Variants in TBX20 observed in about 807,000 individuals in gnomAD.
TBX20 encodes T-box transcription factor TBX20.
TBX20 carries 8 observed loss-of-function variants against 42.9 expected under a neutral mutation model. That is an observed-to-expected ratio of 0.19 (90% CI 0.11 to 0.34). TBX20 has a LOEUF of 0.34. TBX20 is among the 10% of genes least tolerant of loss of function. The pLI, the probability that TBX20 is intolerant of heterozygous loss-of-function variation, is 1.00. For synonymous variants in TBX20, 198 were observed against 222.8 expected (o/e 0.89, Z 0.99); for missense variants, 411 against 566.0 (o/e 0.73, Z 2.78).
chr7:35,250,247 CA>C, intron 1 of TBX20, 44 bp from the exon 2 acceptor site: 1 of 1,601,954 alleles, frequency 6.2e-7, no homozygotes, highest in Non-Finnish European at 8.5e-7. Context: ...CACTGTTCAA[CA>C]AGGAAAGATC....
chr7:35,241,276 C>G (rs1354442465), intron 4 of TBX20, among the ~76,000 whole-genome samples: 6 of 152,176 alleles, frequency 3.9e-5, no homozygotes. Flanking sequence ...AGTGTCCTTT[C>G]TAAAATGGTA....
intron 6 of TBX20, among the ~76,000 whole-genome samples, chr7:35,209,366 A>G (rs1208306577): frequency 6.6e-6 from 1 of 152,186 alleles, no homozygotes; most frequent in Admixed American, 6.5e-5. Context: ...CTATCAGAGT[A>G]TCTGTTTTCT....
intron 6 of TBX20, among the ~76,000 whole-genome samples, chr7:35,222,113 G>A (rs1789693666): frequency 6.6e-6 from 1 of 152,022 alleles, no homozygotes; most frequent in African/African-American, 2.4e-5. Flanking sequence ...AAAAGATTTT[G>A]GTTTCAGATG....
chr7:35,246,996 T>C (rs559123358), intron 3 of TBX20, among the ~76,000 whole-genome samples: 2 of 152,116 alleles, frequency 1.3e-5, no homozygotes, highest in Admixed American at 6.5e-5. Context: ...GTTAAGATAG[T>C]GTATTGGTAC....
intron 6 of TBX20, among the ~76,000 whole-genome samples, chr7:35,226,034 G>A (rs1459445138): frequency 6.6e-6 from 1 of 151,996 alleles, no homozygotes; most frequent in Non-Finnish European, 1.5e-5. Flanking sequence ...GAATACATTA[G>A]TAAATACATA....
intron 6 of TBX20, among the ~76,000 whole-genome samples, chr7:35,215,282 T>C (rs1789564711): frequency 6.6e-6 from 1 of 152,194 alleles, no homozygotes; most frequent in South Asian, 2.1e-4. Flanking sequence ...GATGGCATAA[T>C]TGAATTATTG....
At chr7:35,245,348 G>GTGTGTA (rs1419209151) in intron 3 of TBX20, among the ~76,000 whole-genome samples, 20 of 151,654 alleles carry the variant, frequency 1.3e-4, no homozygotes, top group Non-Finnish European at 1.9e-4. Flanking sequence ...GTGTGTGTGT[G>GTGTGTA]TTTTCATCTA....
At chr7:35,227,395 A>T (rs375896842) in intron 6 of TBX20, among the ~76,000 whole-genome samples, 1 of 151,924 alleles carries the variant, frequency 6.6e-6, no homozygotes, top group African/African-American at 2.4e-5. Flanking sequence ...CAAATTCCAG[A>T]CCTTAAGCTC....
intron 6 of TBX20, among the ~76,000 whole-genome samples, chr7:35,216,889 A>C (rs1225638329): frequency 6.6e-6 from 1 of 152,152 alleles, no homozygotes; most frequent in African/African-American, 2.4e-5. Context: ...GTTCATTTTT[A>C]CATCACATCT....
chr7:35,213,276 T>C (rs1278565520), intron 6 of TBX20, among the ~76,000 whole-genome samples: 1 of 152,254 alleles, frequency 6.6e-6, no homozygotes, highest in Non-Finnish European at 1.5e-5. Flanking sequence ...CCAGGGGAAC[T>C]TCTAAAAATT....
At chr7:35,207,365 C>G (rs1789417438) in intron 6 of TBX20, among the ~76,000 whole-genome samples, 1 of 152,028 alleles carries the variant, frequency 6.6e-6, no homozygotes. Context: ...TTTGAGATTT[C>G]TTTTTATATT....
At chr7:35,225,426 T>C (rs1789753157) in intron 6 of TBX20, among the ~76,000 whole-genome samples, 1 of 152,208 alleles carries the variant, frequency 6.6e-6, no homozygotes, top group Non-Finnish European at 1.5e-5. Flanking sequence ...CAAATTCTAG[T>C]GGTTTTTGGT....
Position 35,253,768 on chromosome 7 carries a change from G to T in TBX20, c.-148C>A. On this transcript the variant is annotated 5_prime_UTR_variant, in exon 1 of 8. Transcript: ENST00000408931. ...GGACTCCAGAAGTGTCAGCTCCAAC[G>T]ACTCCAGAGCTGCACACTGGCCTCT... is the stretch of plus-strand genomic sequence containing the variant. 1.0e-6 allele frequency: 1 copy of T among 982,948 alleles called. No homozygotes were observed. Among genetic ancestry groups the T allele is most frequent in the East Asian group, 2.5e-5 (1 of 39,332 alleles). The allele number at this position is 982,948 out of a possible 1,614,324, so 60.9% of individuals were successfully genotyped here.
chr7:35,247,523 A>G (rs2128715758), intron 3 of TBX20, among the ~76,000 whole-genome samples: 1 of 152,200 alleles, frequency 6.6e-6, no homozygotes, highest in African/African-American at 2.4e-5. Context: ...TAGTGCACTT[A>G]GCATACGATA....
intron 3 of TBX20, among the ~76,000 whole-genome samples, chr7:35,246,592 A>G (rs1229212655): frequency 6.6e-6 from 1 of 152,194 alleles, no homozygotes; most frequent in African/African-American, 2.4e-5. Context: ...ATTTTAGATC[A>G]TAAGTAATAT....
At position 35,233,413 on chromosome 7, in the gene TBX20, T is replaced by G. The variant is rs146737364; in HGVS notation, c.814-1833A>C. 6.3e-3 allele frequency among the ~76,000 whole-genome samples: 962 copies of G among 152,334 alleles called. 12 individuals are homozygous for G. The highest frequency in any genetic ancestry group is 0.02 in the African/African-American group (852 of 41,576). ...AAGAAAATAGCTATGCTATGAGCAT[T>G]GGTAAACAGGGAAGCAAATAAACTA... On this transcript the variant is annotated intron_variant, in intron 5 of 7. Transcript: ENST00000408931.
Position 35,240,899 on chromosome 7 carries a change from T to C in TBX20, c.793A>G (p.Thr265Ala). The change falls in exon 5 of 8, where the codon ACT becomes GCT. Residue 265 changes from threonine to alanine, a missense_variant. Coordinates refer to ENST00000408931, the MANE Select transcript of TBX20 (RefSeq NM_001077653.2). Reference protein sequence around the residue: ...IFPETVFTAVTAYQNQLITKL... With the variant: ...IFPETVFTAVAAYQNQLITKL... The stretch of plus-strand genomic sequence containing the variant: ...CTCACCAGTTGATTCTGGTAGGCAG[T>C]GACTGCCGTAAAAACTGTTTCTGGA... The C allele has an allele frequency of 1.2e-6, 2 of 1,613,910 alleles. No individual in the cohort carries two copies. The highest frequency in any genetic ancestry group is 1.7e-6 in the Non-Finnish European group (2 of 1,179,830).
At chr7:35,224,398 G>A (rs1220648402) in intron 6 of TBX20, among the ~76,000 whole-genome samples, 2 of 152,180 alleles carry the variant, frequency 1.3e-5, no homozygotes, top group African/African-American at 2.4e-5. Context: ...AGGGCTGGGC[G>A]CAGTGGCTCA....
At chr7:35,221,873 T>C (rs753839099) in intron 6 of TBX20, among the ~76,000 whole-genome samples, 2 of 152,216 alleles carry the variant, frequency 1.3e-5, no homozygotes, top group Non-Finnish European at 2.9e-5. Context: ...GTTAAGAAAA[T>C]AATTTAAGAA....
Sources: allele counts gnomAD v4.1 joint callset (sites outside exome capture counted in the v4.1 genomes callset), GRCh38; gene constraint gnomAD v4.1.1; transcripts MANE v1.5; gene names NCBI Gene and HGNC (gene_info 2026-07-23, HGNC 2026-07-21).